Variants in FRRS1L observed in about 807,000 individuals in gnomAD.
FRRS1L encodes the protein ferric chelate reductase 1 like.
A neutral mutation model predicts 28.6 loss-of-function variants in FRRS1L; 22 were observed. The observed-to-expected ratio is 0.77, with a 90% CI of 0.55 to 1.10. The LOEUF (loss-of-function observed/expected upper bound fraction) is 1.10, where lower values mean the gene tolerates loss of function less well. Ranked by LOEUF, FRRS1L falls within the 50% of genes least tolerant of loss-of-function variation. FRRS1L has a pLI of 0.00. For missense variants in FRRS1L, 380 were observed against 386.9 expected, an observed-to-expected ratio of 0.98 and a Z score of 0.15; for synonymous variants, 158 against 151.4, an observed-to-expected ratio of 1.04 and a Z score of -0.32.
chr9:109,146,927 C>T, intron 3 of FRRS1L, 124 bp downstream of exon 3: 1 of 884,194 alleles, frequency 1.1e-6, no homozygotes, highest in East Asian at 2.5e-5. Flanking sequence ...TTTTAACTTG[C>T]AATCAGAGAG....
At chr9:109,152,100 C>T (rs921667795) in intron 1 of FRRS1L, 38 of 152,154 alleles carry the variant, frequency 2.5e-4, no homozygotes, top group African/African-American at 9.2e-4. Flanking sequence ...CGTTAGCATA[C>T]AGCAGATTTC....
In FRRS1L at chr9:109,136,336, A is replaced by G. The variant is rs1445766621; in HGVS notation, c.*1119T>C. 1.3e-5 allele frequency: 2 copies of G among 151,694 alleles called. No individual in the cohort carries two copies. The highest frequency in any genetic ancestry group is 4.8e-5 in the African/African-American group (2 of 41,330). The allele number at this position is 151,694 out of a possible 1,614,324, so 9.4% of individuals were successfully genotyped here. A position where few individuals can be genotyped will look rare whatever the true frequency, so the allele number is the denominator to read the frequency against. On this transcript the variant is annotated 3_prime_UTR_variant, in exon 5 of 5. Transcript: ENST00000561981. ...TGAATACCTTAGTTTTATAAAATTCAGTGGTAGAAAAGTTCAAATTCTAAC... is the reference window on the plus strand; with the variant it reads ...TGAATACCTTAGTTTTATAAAATTCGGTGGTAGAAAAGTTCAAATTCTAAC...
At chr9:109,143,540 A>G (rs1193051608) in intron 3 of FRRS1L, among the ~76,000 whole-genome samples, 1 of 140,846 alleles carries the variant, frequency 7.1e-6, no homozygotes, top group Non-Finnish European at 1.5e-5. Context: ...TTTCCCCGAC[A>G]GAGTCTCACT....
At chr9:109,140,543 C>T (rs1433889306) in intron 4 of FRRS1L, 1 of 152,016 alleles carries the variant, frequency 6.6e-6, no homozygotes, top group Non-Finnish European at 1.5e-5. Flanking sequence ...CCAGGTAATT[C>T]CTATACACAT....
At chr9:109,162,376 G>A (rs1284913892) in intron 1 of FRRS1L, among the ~76,000 whole-genome samples, 1 of 152,178 alleles carries the variant, frequency 6.6e-6, no homozygotes, top group Non-Finnish European at 1.5e-5. Flanking sequence ...CAAGTCAACA[G>A]GGACCCTCCA....
chr9:109,130,532 T>G lies in FRRS1L; in HGVS notation c.*6923A>C, dbSNP rs1029875705. On this transcript the variant is annotated 3_prime_UTR_variant, in exon 5 of 5. Transcript: ENST00000561981. Reference sequence around the variant, plus strand: ...TTTATTAGTAATGTGCCACACATCTTAGAGTAAAAATTTACATAAGATAGG... The same window carrying G: ...TTTATTAGTAATGTGCCACACATCTGAGAGTAAAAATTTACATAAGATAGG... 2 of 152,206 alleles carry G rather than the reference T, an allele frequency of 1.3e-5. No homozygotes were observed. Among genetic ancestry groups the G allele is most frequent in the African/African-American group, 4.8e-5 (2 of 41,462 alleles). 9.4% of individuals were successfully genotyped at this position (152,206 alleles called of 1,614,324 possible). A position where few individuals can be genotyped will look rare whatever the true frequency, so the allele number is the denominator to read the frequency against.
Position 109,130,395 on chromosome 9 carries a change from A to G in FRRS1L, c.*7060T>C, listed in dbSNP as rs2118443414. Reference sequence around the variant, plus strand: ...AAATCTAATTAATATATTCTGACTAACATAATCATCCAAAGATAAAAGTAT... The same window carrying G: ...AAATCTAATTAATATATTCTGACTAGCATAATCATCCAAAGATAAAAGTAT... On this transcript the variant is annotated 3_prime_UTR_variant, in exon 5 of 5. Coordinates refer to ENST00000561981, the MANE Select transcript of FRRS1L (RefSeq NM_014334.4). 6.6e-6 allele frequency: 1 copy of G among 152,356 alleles called. No individual in the cohort carries two copies. Among genetic ancestry groups the G allele is most frequent in the Non-Finnish European group, 1.5e-5 (1 of 68,032 alleles). The allele number at this position is 152,356 out of a possible 1,614,324, so 9.4% of individuals were successfully genotyped here. A position where few individuals can be genotyped will look rare whatever the true frequency, so the allele number is the denominator to read the frequency against.
chr9:109,139,498 A>T (rs970924879), intron 4 of FRRS1L: 1 of 152,268 alleles, frequency 6.6e-6, no homozygotes, highest in African/African-American at 2.4e-5. Context: ...ATGGAATAGG[A>T]AGTATTATTA....
intron 4 of FRRS1L, chr9:109,140,418 C>T (rs1336045895): frequency 6.6e-6 from 1 of 152,192 alleles, no homozygotes; most frequent in African/African-American, 2.4e-5. Context: ...TGTTTCATTG[C>T]ACTCCAGCCT....
chr9:109,141,088 C>T (rs188265642), intron 4 of FRRS1L: 4 of 534,236 alleles, frequency 7.5e-6, no homozygotes, highest in East Asian at 3.2e-5. Context: ...TTTCATTAAG[C>T]ACATCACTCA....
rs184871136 is a variant in FRRS1L at position 109,131,163 on chromosome 9, C to G, written c.*6292G>C. On this transcript the variant is annotated 3_prime_UTR_variant, in exon 5 of 5. Coordinates refer to ENST00000561981, the MANE Select transcript of FRRS1L (RefSeq NM_014334.4). ...GATACTTGAATAACTGAATAAGGAA[C>G]CTAATTAAATACAAAACCTGTATAG... The G allele has an allele frequency of 6.6e-6, 1 of 152,168 alleles. No homozygotes were observed. 9.4% of individuals were successfully genotyped at this position (152,168 alleles called of 1,614,324 possible).
intron 3 of FRRS1L, among the ~76,000 whole-genome samples, chr9:109,141,850 A>G (rs1831191912): frequency 6.6e-6 from 1 of 152,136 alleles, no homozygotes; most frequent in Non-Finnish European, 1.5e-5. Flanking sequence ...CCTAATCAAG[A>G]AAAAACAATC....
rs944818184 is a variant in FRRS1L, at chr9:109,132,043, G to A, written c.*5412C>T. 3 of 151,386 alleles carry A rather than the reference G, an allele frequency of 2.0e-5. No homozygotes were observed. Among genetic ancestry groups the A allele is most frequent in the Admixed American group, 6.6e-5 (1 of 15,120 alleles). The allele number at this position is 151,386 out of a possible 1,614,324, so 9.4% of individuals were successfully genotyped here. ...GGCTGGAGTGCAGAGGGGCAATCTCGGCTCATTGAAAGCTCCACCTCCCGG... is the reference window on the plus strand; with the variant it reads ...GGCTGGAGTGCAGAGGGGCAATCTCAGCTCATTGAAAGCTCCACCTCCCGG... On this transcript the variant is annotated 3_prime_UTR_variant, in exon 5 of 5. Coordinates refer to ENST00000561981, the MANE Select transcript of FRRS1L (RefSeq NM_014334.4).
chr9:109,166,162 A>T (rs1831545726), intron 1 of FRRS1L, among the ~76,000 whole-genome samples: 1 of 152,318 alleles, frequency 6.6e-6, no homozygotes, highest in Middle Eastern at 3.4e-3. Flanking sequence ...TACTTCCCAA[A>T]GTTGCTTAAA....
At chr9:109,154,614 G>C (rs899188905) in intron 1 of FRRS1L, among the ~76,000 whole-genome samples, 1 of 152,096 alleles carries the variant, frequency 6.6e-6, no homozygotes, top group Admixed American at 6.5e-5. Context: ...GGTATTTCTT[G>C]ATTTATGGAA....
chr9:109,152,837 A>G (rs1358480502), intron 1 of FRRS1L, among the ~76,000 whole-genome samples: 2 of 136,394 alleles, frequency 1.5e-5, no homozygotes, highest in Non-Finnish European at 3.2e-5. Flanking sequence ...AAAAAAAAAA[A>G]AAAGAACAAC....
At position 109,134,996 on chromosome 9, in the gene FRRS1L, G is replaced by A. The variant is rs1397389432; in HGVS notation, c.*2459C>T. 1 of 152,132 alleles carries A rather than the reference G, an allele frequency of 6.6e-6. No homozygotes were observed. Among genetic ancestry groups the A allele is most frequent in the Non-Finnish European group, 1.5e-5 (1 of 68,042 alleles). The allele number at this position is 152,132 out of a possible 1,614,324, so 9.4% of individuals were successfully genotyped here. On this transcript the variant is annotated 3_prime_UTR_variant, in exon 5 of 5. Coordinates refer to ENST00000561981, the MANE Select transcript of FRRS1L (RefSeq NM_014334.4). ...TTTGAATCCTACCCAGTTCCATTAT[G>A]CACTTGATGTCATTTAATTTCTCCC...
At position 109,166,895 on chromosome 9, in the gene FRRS1L, C is replaced by T; in HGVS notation, c.238+6G>A. The T allele has an allele frequency of 7.5e-7, 1 of 1,326,034 alleles. No homozygotes were observed. The highest frequency in any genetic ancestry group is 3.0e-5 in the Admixed American group (1 of 33,630). The allele number at this position is 1,326,034 out of a possible 1,614,324, so 82.1% of individuals were successfully genotyped here. ...CCCGCAACCCCTCGCCCTCCCGCAG[C>T]CTCACCCTCCTCCGACAGGTAGCGC... is the stretch of plus-strand genomic sequence containing the variant. On this transcript the variant is annotated splice_donor_region_variant and intron_variant, in intron 1 of 4. Transcript: ENST00000561981.
intron 1 of FRRS1L, chr9:109,151,957 C>T (rs529928842): frequency 6.6e-6 from 1 of 152,312 alleles, no homozygotes; most frequent in African/African-American, 2.4e-5. Flanking sequence ...TGATTGTTCA[C>T]TTACATGTTT....
Sources: gnomAD v4.1 joint callset for allele counts (sites outside exome capture counted in the v4.1 genomes callset) on GRCh38, gnomAD v4.1.1 for gene constraint, MANE v1.5 for transcripts, NCBI Gene and HGNC (gene_info 2026-07-23, HGNC 2026-07-21) for gene names.